The following WDR81 variants were observed in gnomAD, a reference collection of about 807,000 sequenced individuals.
WDR81 encodes the protein WD repeat-containing protein 81.
In WDR81, 92 loss-of-function variants were observed where a neutral mutation model predicts 140.8. The ratio of observed to expected loss-of-function variants is 0.65; its 90% confidence interval spans 0.55 to 0.78. The LOEUF (loss-of-function observed/expected upper bound fraction) is 0.78. Among genes scored for constraint, WDR81 ranks in the 30% least tolerant of loss-of-function variants. WDR81 has a pLI of 0.00. For missense variants in WDR81, 2,502 were observed against 2,636.4 expected (o/e 0.95, Z 1.12); for synonymous variants, 1,183 against 1,156.4 (o/e 1.02, Z -0.47).
In WDR81 at chr17:1,737,668, A is replaced by C; in HGVS notation, c.5809A>C (p.Ile1937Leu). ...CCTGCTGGGCTCAGACAACGGGGTT[A>C]TCCGCCTCCTGGCATAGACTGAGGC... ...HLLLGSDNGV[I>L]RLLA is the part of the protein sequence containing the mutation. The change falls in exon 10 of 10, where the codon ATC (isoleucine) becomes CTC (leucine). Residue 1937 changes from isoleucine (I) to leucine (L), a missense_variant. By Grantham distance (5) the Ile-to-Leu change is conservative. Transcript: ENST00000409644. 1 of 1,610,738 alleles carries C rather than the reference A, an allele frequency of 6.2e-7. No homozygotes were observed.
chr17:1,730,098 G>A (rs1915581201), intron 1 of WDR81, among the ~76,000 whole-genome samples: 1 of 152,196 alleles, frequency 6.6e-6, no homozygotes, highest in Non-Finnish European at 1.5e-5. Flanking sequence ...GGCCAGGGCC[G>A]GGCCAGGCCT....
At position 1,732,734 on chromosome 17, in the gene WDR81, G is replaced by A. The variant is rs1904468411; in HGVS notation, c.4392G>A (p.Gln1464=). 1.9e-6 allele frequency: 3 copies of A among 1,612,848 alleles called. No homozygotes were observed. In the Admixed American group the frequency reaches 5.0e-5, roughly 27 times the overall value. The change falls in exon 6 of 10, where the codon CAG becomes CAA. Residue 1464 remains glutamine, a synonymous_variant. Transcript: ENST00000409644. ...QLPQVVFSDG[Q]QRPVDPALLD... is the part of the protein sequence containing the mutation. ...CACAGGTGGTCTTCTCTGATGGGCA[G>A]CAGCGGCCCGTGGACCCCGCCCTGC...
At position 1,727,207 on chromosome 17, in the gene WDR81, G is replaced by A; in HGVS notation, c.2248G>A (p.Glu750Lys). ...GGCCAAAGGCCTAGGGGGCCTGTTG[G>A]AGGTGCCTGAGCAGCCCCGGGTCCA... Reference protein sequence around the residue: ...FLAKGLGGLLEVPEQPRVQPA... With the variant: ...FLAKGLGGLLKVPEQPRVQPA... Residue 750 changes from glutamate to lysine, a missense_variant, in exon 1 of 10, where the codon GAG becomes AAG. Coordinates refer to ENST00000409644, the MANE Select transcript of WDR81 (RefSeq NM_001163809.2). 6.5e-7 allele frequency: 1 copy of A among 1,550,060 alleles called. No individual in the cohort carries two copies. Among genetic ancestry groups the A allele is most frequent in the Non-Finnish European group, 8.7e-7 (1 of 1,146,732 alleles).
upstream of WDR81, among the ~76,000 whole-genome samples, chr17:1,722,173 G>T (rs1914901631): frequency 6.6e-6 from 1 of 151,974 alleles, no homozygotes; most frequent in Non-Finnish European, 1.5e-5. Context: ...ACAAAACAGG[G>T]TATGCAAAAT....
At position 1,725,113 on chromosome 17, in the gene WDR81, A is replaced by G. The variant is rs777289114; in HGVS notation, c.154A>G (p.Thr52Ala). ...PRQLAPAPGG[T>A]HVVALVPARW... ...GCAGCTGGCTCCGGCCCCGGGGGGCACCCACGTGGTGGCCCTAGTGCCTGC... is the reference window on the plus strand; with the variant it reads ...GCAGCTGGCTCCGGCCCCGGGGGGCGCCCACGTGGTGGCCCTAGTGCCTGC... The change falls in exon 1 of 10, where the codon ACC becomes GCC. Residue 52 changes from threonine (T) to alanine (A), a missense_variant. By Grantham distance (58) the Thr-to-Ala change is moderately conservative. Around this residue, in one of 3 missense-constraint regions of WDR81, gnomAD observed 547 missense variants for 513.8 expected, o/e 1.06. Transcript: ENST00000409644. The G allele has an allele frequency of 6.6e-7, 1 of 1,515,220 alleles. No homozygotes were observed. 93.9% of individuals were successfully genotyped at this position (1,515,220 alleles called of 1,614,324 possible). A position where few individuals can be genotyped will look rare whatever the true frequency, so the allele number is the denominator to read the frequency against.
At chr17:1,730,715 C>A in intron 2 of WDR81, 40 bp from the exon 3 acceptor site, 1 of 1,572,836 alleles carries the variant, frequency 6.4e-7, no homozygotes, top group Admixed American at 1.8e-5. Flanking sequence ...ACCCCCGGCC[C>A]TCCACTGGCG....
intron 7 of WDR81, 63 bp downstream of exon 7, chr17:1,734,279 AG>A: frequency 6.9e-7 from 1 of 1,455,044 alleles, no homozygotes. Context: ...GCCTCCAGGA[AG>A]GGGGCCCGAG....
In WDR81 at chr17:1,733,520, T is replaced by TA. The variant is rs749339974; in HGVS notation, c.4490-6dup. 6.6e-7 allele frequency: 1 copy of TA among 1,514,328 alleles called. No individual in the cohort carries two copies. Among genetic ancestry groups the TA allele is most frequent in the Admixed American group, 2.3e-5 (1 of 44,060 alleles). The allele number at this position is 1,514,328 out of a possible 1,614,324, so 93.8% of individuals were successfully genotyped here. On this transcript the variant is annotated splice_region_variant and splice_polypyrimidine_tract_variant and intron_variant, in intron 6 of 9. Transcript: ENST00000409644. ...CCTGTCTCAGGACCTCTCCCACTCC[T>TA]ATCCAGGTGACATCATCCGGAAAAT...
rs745937395 is a variant in WDR81 at position 1,730,824 on chromosome 17, A to G, written c.3845A>G (p.Gln1282Arg). 7.4e-6 allele frequency: 12 copies of G among 1,612,696 alleles called. No homozygotes were observed. In the South Asian group the frequency reaches 1.2e-4, roughly 16 times the overall value. The change falls in exon 3 of 10, where the codon CAG becomes CGG. Residue 1282 changes from glutamine (Q) to arginine (R), a missense_variant. By Grantham distance (43) the Gln-to-Arg change is conservative. Around this residue, in one of 3 missense-constraint regions of WDR81, gnomAD observed 1,737 missense variants for 1,843.0 expected, o/e 0.94. Coordinates refer to ENST00000409644, the MANE Select transcript of WDR81 (RefSeq NM_001163809.2). ...CCGCTGAGCGCCGGCAACATCTACC[A>G]GAAGAGGCCGGTCCTGGGCGACATC... ...SPPLSAGNIY[Q>R]KRPVLGDIVS... is the part of the protein sequence containing the mutation.
chr17:1,735,870 G>T lies in WDR81; in HGVS notation c.5325+153G>T. 5 of 1,354,846 alleles carry T rather than the reference G, an allele frequency of 3.7e-6. No individual in the cohort carries two copies. Among genetic ancestry groups the T allele is most frequent in the Non-Finnish European group, 4.0e-6 (4 of 1,009,310 alleles). The allele number at this position is 1,354,846 out of a possible 1,614,324, so 83.9% of individuals were successfully genotyped here. A position where few individuals can be genotyped will look rare whatever the true frequency, so the allele number is the denominator to read the frequency against. Reference sequence around the variant, plus strand: ...GATCACCCACAGCCACACATCCTGCGGGGCAGGACTCTGGCCTGTGATGGG... The same window carrying T: ...GATCACCCACAGCCACACATCCTGCTGGGCAGGACTCTGGCCTGTGATGGG... On this transcript the variant is annotated intron_variant, in intron 8 of 9. Coordinates refer to ENST00000409644, the MANE Select transcript of WDR81 (RefSeq NM_001163809.2). This position sits in a 1 kb window ranked among gnomAD's most constrained non-coding sequence, Gnocchi z 4.2.
chr17:1,731,007 G>T (rs1291481398), intron 3 of WDR81, 61 bp from the exon 4 acceptor site: 24 of 1,604,466 alleles, frequency 1.5e-5, no homozygotes, highest in Non-Finnish European at 2.0e-5. Context: ...GCCGGCCCGG[G>T]CTCTCTTGGT....
In WDR81 at chr17:1,726,297, C is replaced by T. The variant is rs540613125; in HGVS notation, c.1338C>T (p.Ser446=). The T allele has an allele frequency of 1.8e-4, 275 of 1,542,768 alleles. No individual in the cohort carries two copies. The highest frequency in any genetic ancestry group is 2.0e-4 in the East Asian group (8 of 40,784). Residue 446 remains serine (S), a synonymous_variant, in exon 1 of 10, where the codon TCC becomes TCT. Coordinates refer to ENST00000409644, the MANE Select transcript of WDR81 (RefSeq NM_001163809.2). ...HVPHHISDVL[S]DITYYVYKAR... The stretch of plus-strand genomic sequence containing the variant: ...CCCACCACATCTCAGACGTGCTCTC[C>T]GACATCACGTACTATGTGTACAAGG...
chr17:1,735,743 A>G lies in WDR81; in HGVS notation c.5325+26A>G. 1 of 1,588,456 alleles carries G rather than the reference A, an allele frequency of 6.3e-7. No homozygotes were observed. The highest frequency in any genetic ancestry group is 8.6e-7 in the Non-Finnish European group (1 of 1,166,334). On this transcript the variant is annotated intron_variant, in intron 8 of 9. Coordinates refer to ENST00000409644, the MANE Select transcript of WDR81 (RefSeq NM_001163809.2). This position sits in a 1 kb window ranked among gnomAD's most constrained non-coding sequence, Gnocchi z 4.2. ...GTCAGGGGGGTCCAGTTCCCTGAGC[A>G]CTCGCCTGGTTCTCTGGGGACCTGG...
Position 1,727,056 on chromosome 17 carries a change from T to C in WDR81, c.2097T>C (p.Arg699=). ...CTTTCTCAGTGGCCTCAGCCTCCCGTCCAGGCCGCAGGAATAAAGCTGCTG... is the reference window on the plus strand; with the variant it reads ...CTTTCTCAGTGGCCTCAGCCTCCCGCCCAGGCCGCAGGAATAAAGCTGCTG... ...LLSFSVASAS[R]PGRRNKAAGA... Residue 699 remains arginine (R), a synonymous_variant, in exon 1 of 10, where the codon CGT becomes CGC. Coordinates refer to ENST00000409644, the MANE Select transcript of WDR81 (RefSeq NM_001163809.2). The C allele has an allele frequency of 6.5e-7, 1 of 1,550,208 alleles. No homozygotes were observed. Among genetic ancestry groups the C allele is most frequent in the Non-Finnish European group, 8.7e-7 (1 of 1,146,890 alleles).
chr17:1,730,876 C>T lies in WDR81; in HGVS notation c.3897C>T (p.Leu1299=). Residue 1299 remains leucine, a synonymous_variant, in exon 3 of 10, where the codon CTC becomes CTT. Transcript: ENST00000409644. ...DIVSGPVLSC[L]LHIARLYGEP... ...TGTCAGGGCCTGTGCTCAGCTGCCT[C>T]CTCCACATCGCCCGCCTGTATGGGG... 1 of 1,613,024 alleles carries T rather than the reference C, an allele frequency of 6.2e-7. No individual in the cohort carries two copies. Among genetic ancestry groups the T allele is most frequent in the Non-Finnish European group, 8.5e-7 (1 of 1,179,988 alleles).
Position 1,738,015 on chromosome 17 carries a change from CG to C in WDR81, c.*333del. ...GGGTCCACATGAGGACAGGGAAGCTCGGGAAGGGGAAGGGAGACTGGCCCTG... is the reference window on the plus strand; with the variant it reads ...GGGTCCACATGAGGACAGGGAAGCTCGGAAGGGGAAGGGAGACTGGCCCTG... On this transcript the variant is annotated 3_prime_UTR_variant, in exon 10 of 10. Transcript: ENST00000409644. The C allele has an allele frequency of 2.5e-6, 1 of 407,798 alleles. No homozygotes were observed. Among genetic ancestry groups the C allele is most frequent in the Non-Finnish European group, 4.5e-6 (1 of 224,060 alleles). The allele number at this position is 407,798 out of a possible 1,614,324, so 25.3% of individuals were successfully genotyped here. A position where few individuals can be genotyped will look rare whatever the true frequency, so the allele number is the denominator to read the frequency against.
chr17:1,725,090 A>T lies in WDR81; in HGVS notation c.131A>T (p.Gln44Leu). The change falls in exon 1 of 10, where the codon CAG (glutamine) becomes CTG (leucine). Residue 44 changes from glutamine to leucine, a missense_variant. Physicochemically the swap from Gln to Leu is moderately radical, Grantham distance 113. This residue lies in a region of WDR81 where 547 missense variants were observed against 513.8 expected (regional missense o/e 1.06). Coordinates refer to ENST00000409644, the MANE Select transcript of WDR81 (RefSeq NM_001163809.2). ...VERDLSIDPR[Q>L]LAPAPGGTHV... ...AGGGACCTGAGCATCGATCCCAGGCAGCTGGCTCCGGCCCCGGGGGGCACC... is the reference window on the plus strand; with the variant it reads ...AGGGACCTGAGCATCGATCCCAGGCTGCTGGCTCCGGCCCCGGGGGGCACC... 6.7e-7 allele frequency: 1 copy of T among 1,500,638 alleles called. No homozygotes were observed. Among genetic ancestry groups the T allele is most frequent in the Non-Finnish European group, 8.9e-7 (1 of 1,125,276 alleles). The allele number at this position is 1,500,638 out of a possible 1,614,324, so 93.0% of individuals were successfully genotyped here. A position where few individuals can be genotyped will look rare whatever the true frequency, so the allele number is the denominator to read the frequency against.
rs888901526 is a variant in WDR81 at position 1,726,306 on chromosome 17, G to A, written c.1347G>A (p.Thr449=). ...HHISDVLSDI[T]YYVYKARRTP... ...TCTCAGACGTGCTCTCCGACATCAC[G>A]TACTATGTGTACAAGGCTCGGCGCA... Residue 449 remains threonine, a synonymous_variant, in exon 1 of 10, where the codon ACG becomes ACA. Transcript: ENST00000409644. The A allele has an allele frequency of 3.9e-6, 6 of 1,543,808 alleles. No homozygotes were observed. Among genetic ancestry groups the A allele is most frequent in the Non-Finnish European group, 4.4e-6 (5 of 1,142,492 alleles).
At chr17:1,720,851 G>C (rs949034521), upstream of WDR81, among the ~76,000 whole-genome samples, 1 of 151,950 alleles carries the variant, frequency 6.6e-6, no homozygotes, top group African/African-American at 2.4e-5. Context: ...TGAGGCCCCA[G>C]GAATCCCAGT....
Sources: gnomAD v4.1 joint callset for allele counts (sites outside exome capture counted in the v4.1 genomes callset) on GRCh38, gnomAD v4.1.1 for gene constraint, gnomAD v4.1.1 regional missense constraint, Gnocchi (gnomAD v3.1) non-coding constraint, MANE v1.5 for transcripts, NCBI Gene and HGNC (gene_info 2026-07-23, HGNC 2026-07-21) for gene names.